Variants in ZNF732 observed in about 807,000 individuals in gnomAD.
The protein encoded by ZNF732 is zinc finger protein LOC654254.
A neutral mutation model predicts 11.5 loss-of-function variants in ZNF732; 12 were observed. That is an observed-to-expected ratio of 1.05 (90% CI 0.67 to 1.70). The LOEUF (loss-of-function observed/expected upper bound fraction) is 1.70, where lower values mean the gene tolerates loss of function less well. ZNF732 is among the 40% of genes most tolerant of loss of function. The probability of loss-of-function intolerance (pLI) is 0.00; values close to 1 mark genes in which losing one functional copy is unlikely to be tolerated. For missense variants in ZNF732, 702 were observed against 676.9 expected (o/e 1.04, Z -0.41); for synonymous variants, 231 against 236.5 (o/e 0.98, Z 0.21).
chr4:287,985 CACA>C (rs549522212), intron 3 of ZNF732, among the ~76,000 whole-genome samples: 194 of 152,060 alleles, frequency 1.3e-3, no homozygotes, highest in Non-Finnish European at 2.4e-3. Flanking sequence ...CTAATTAATG[CACA>C]ACAATAACCT....
At chr4:275,553 T>C (rs2108652528) in intron 3 of ZNF732, among the ~76,000 whole-genome samples, 1 of 151,810 alleles carries the variant, frequency 6.6e-6, no homozygotes, top group Non-Finnish European at 1.5e-5. Flanking sequence ...GCTGAACAGC[T>C]AGATCAACTA....
Position 295,451 on chromosome 4 carries a change from T to G in ZNF732, c.213A>C (p.Val71=). The change falls in exon 3 of 4, where the codon GTA becomes GTC. Residue 71 remains valine, a synonymous_variant. Coordinates refer to ENST00000419098, the MANE Select transcript of ZNF732 (RefSeq NM_001137608.3). ...EPYKVKIHET[V]AKHPAVCSHF... ...ACTGTCACCTACCTGGGTGTTTGGC[T>G]ACTGTCTCATGTATCTTCACTTTGT... The G allele has an allele frequency of 6.2e-7, 1 of 1,607,732 alleles. No homozygotes were observed. Among genetic ancestry groups the G allele is most frequent in the Non-Finnish European group, 8.5e-7 (1 of 1,176,766 alleles).
chr4:272,405 C>T lies in ZNF732; in HGVS notation c.452G>A (p.Ser151Asn), dbSNP rs1258086429. ...ACGTTGGTTTGAATTTGAAAATGTACTAAATACTTTGACATGTACATTACA... is the reference window on the plus strand; with the variant it reads ...ACGTTGGTTTGAATTTGAAAATGTATTAAATACTTTGACATGTACATTACA... ...FQCNVHVKVF[S>N]TFSNSNQRRI... The change falls in exon 4 of 4, where the codon AGT becomes AAT. Residue 151 changes from serine (S) to asparagine (N), a missense_variant. Ser to Asn is a conservative substitution (Grantham distance 46). Transcript: ENST00000419098. 5 of 1,596,406 alleles carry T rather than the reference C, an allele frequency of 3.1e-6. No homozygotes were observed. Among genetic ancestry groups the T allele is most frequent in the Middle Eastern group, 1.7e-4 (1 of 6,034 alleles).
chr4:280,991 T>G (rs1211525552), intron 3 of ZNF732, among the ~76,000 whole-genome samples: 1 of 152,160 alleles, frequency 6.6e-6, no homozygotes, highest in Non-Finnish European at 1.5e-5. Context: ...TGTGCCCGAA[T>G]GTAGGCTTGC....
chr4:288,278 G>A (rs1719772343), intron 3 of ZNF732, among the ~76,000 whole-genome samples: 2 of 152,132 alleles, frequency 1.3e-5, no homozygotes, highest in Admixed American at 1.3e-4. Flanking sequence ...TTTTAAGTTT[G>A]TTGCTCATGT....
At position 271,042 on chromosome 4, in the gene ZNF732, C is replaced by G. The variant is rs910864593; in HGVS notation, c.*57G>C. The G allele has an allele frequency of 7.5e-7, 1 of 1,329,336 alleles. No homozygotes were observed. The highest frequency in any genetic ancestry group is 2.6e-5 in the Admixed American group (1 of 38,564). The allele number at this position is 1,329,336 out of a possible 1,614,324, so 82.3% of individuals were successfully genotyped here. A position where few individuals can be genotyped will look rare whatever the true frequency, so the allele number is the denominator to read the frequency against. On this transcript the variant is annotated 3_prime_UTR_variant, in exon 4 of 4. Transcript: ENST00000419098. ...ATAGTTTATTTCCAGTATAAATTTTCTTATGTTCATTCAGGTTTGTGGATC... is the reference window on the plus strand; with the variant it reads ...ATAGTTTATTTCCAGTATAAATTTTGTTATGTTCATTCAGGTTTGTGGATC...
At chr4:280,362 C>T (rs1209301976) in intron 3 of ZNF732, among the ~76,000 whole-genome samples, 1 of 149,968 alleles carries the variant, frequency 6.7e-6, no homozygotes, top group South Asian at 2.1e-4. Context: ...AAGGCTGAGG[C>T]AGGTGGATCT....
chr4:288,336 C>T (rs963678883), intron 3 of ZNF732, among the ~76,000 whole-genome samples: 5 of 152,292 alleles, frequency 3.3e-5, no homozygotes, highest in African/African-American at 4.8e-5. Context: ...ACGTCATAGT[C>T]TCTATTCCTA....
rs186644747 is a variant in ZNF732, at chr4:279,473, A to G, written c.227-6843T>C. 8.6e-4 allele frequency among the ~76,000 whole-genome samples: 131 copies of G among 151,942 alleles called. 1 individual carries two copies. In the East Asian group the frequency reaches 0.023, roughly 27 times the overall value. On this transcript the variant is annotated intron_variant, in intron 3 of 3. Transcript: ENST00000419098. The stretch of plus-strand genomic sequence containing the variant: ...AAAAAAAAAACAACAACCAGACATT[A>G]TATTATATAATTACACCAATAAGAA...
rs1553837395 is a variant in ZNF732, at chr4:271,466, T to C, written c.1391A>G (p.His464Arg). Residue 464 changes from histidine (H) to arginine (R), a missense_variant, in exon 4 of 4, where the codon CAT (histidine) becomes CGT (arginine). By Grantham distance (29) the His-to-Arg change is conservative (BLOSUM62 0). This residue lies in a region of ZNF732 where 596 missense variants were observed against 557.9 expected (regional missense o/e 1.07). Coordinates refer to ENST00000419098, the MANE Select transcript of ZNF732 (RefSeq NM_001137608.3). ...AFGWSAYLSK[H>R]KKIHTGEKPY... ...TTTCTCTCCAGTATGAATTTTCTTATGTTTACTCAGGTATGCAGACCATCC... is the reference window on the plus strand; with the variant it reads ...TTTCTCTCCAGTATGAATTTTCTTACGTTTACTCAGGTATGCAGACCATCC... 7 of 1,608,798 alleles carry C rather than the reference T, an allele frequency of 4.4e-6. No homozygotes were observed. Among genetic ancestry groups the C allele is most frequent in the African/African-American group, 1.3e-5 (1 of 74,848 alleles).
rs1553837216 is a variant in ZNF732, at chr4:271,207, T to C, written c.1650A>G (p.Thr550=). 1 of 1,555,966 alleles carries C rather than the reference T, an allele frequency of 6.4e-7. No homozygotes were observed. Among genetic ancestry groups the C allele is most frequent in the Non-Finnish European group, 8.7e-7 (1 of 1,149,210 alleles). The change falls in exon 4 of 4, where the codon ACA becomes ACG. Residue 550 remains threonine, a synonymous_variant. Transcript: ENST00000419098. ...RRSRVLNKYK[T]IHTGDKTPKC... is the part of the protein sequence containing the mutation. ...TGGGGGTTTTATCTCCAGTATGAAT[T>C]GTCTTATATTTATTCAGGACTCTGG...
At chr4:277,789 C>CA (rs1367932928) in intron 3 of ZNF732, among the ~76,000 whole-genome samples, 4 of 151,652 alleles carry the variant, frequency 2.6e-5, no homozygotes, top group African/African-American at 4.8e-5. Flanking sequence ...CACACACACA[C>CA]AAAAAAAATT....
At chr4:300,481 A>G (rs2108662231) in intron 1 of ZNF732, among the ~76,000 whole-genome samples, 1 of 151,674 alleles carries the variant, frequency 6.6e-6, no homozygotes, top group Admixed American at 6.6e-5. Flanking sequence ...AAAAGAAAAG[A>G]AAAGAAAAAA....
chr4:302,094 A>C (rs1553843702), intron 1 of ZNF732, among the ~76,000 whole-genome samples: 1 of 151,922 alleles, frequency 6.6e-6, no homozygotes, highest in Non-Finnish European at 1.5e-5. Flanking sequence ...AGAAGGAGAG[A>C]CCATTCTGTT....
intron 1 of ZNF732, 44 bp downstream of exon 1, chr4:305,264 G>A: frequency 6.3e-7 from 1 of 1,597,572 alleles, no homozygotes; most frequent in Non-Finnish European, 8.5e-7. Flanking sequence ...CGCCGGTTCG[G>A]ATGAGGCCTC....
At chr4:286,457 T>A (rs1420684859) in intron 3 of ZNF732, among the ~76,000 whole-genome samples, 1 of 152,246 alleles carries the variant, frequency 6.6e-6, no homozygotes, top group Non-Finnish European at 1.5e-5. Flanking sequence ...ATAAATATTA[T>A]TCAGCTTCTT....
intron 3 of ZNF732, among the ~76,000 whole-genome samples, chr4:277,183 TAA>T (rs1480856988): frequency 1.3e-5 from 2 of 151,964 alleles, no homozygotes; most frequent in Admixed American, 6.6e-5. Flanking sequence ...CTCAAACCTA[TAA>T]AGTTATTTGA....
chr4:299,382 T>C (rs114109973), intron 1 of ZNF732, among the ~76,000 whole-genome samples: 14,717 of 91,956 alleles, frequency 0.16, 1,402 homozygotes, highest in Non-Finnish European at 0.21. Flanking sequence ...TATATATATA[T>C]ACACATATGT....
At chr4:284,101 C>G (rs1719676413) in intron 3 of ZNF732, among the ~76,000 whole-genome samples, 1 of 152,052 alleles carries the variant, frequency 6.6e-6, no homozygotes, top group African/African-American at 2.4e-5. Context: ...TTAGTAGAGA[C>G]AAGGTTTCAC....
Sources: allele counts gnomAD v4.1 joint callset (sites outside exome capture counted in the v4.1 genomes callset), GRCh38; gene constraint gnomAD v4.1.1; regional missense constraint gnomAD v4.1.1; transcripts MANE v1.5; gene names NCBI Gene and HGNC (gene_info 2026-07-23, HGNC 2026-07-21).